CLPB: variants seen among roughly 807,000 people sequenced by gnomAD.
CLPB encodes the protein ClpB family mitochondrial disaggregase.
A neutral mutation model predicts 78.4 loss-of-function variants in CLPB; 40 were observed. That is an observed-to-expected ratio of 0.51 (90% CI 0.40 to 0.66). The LOEUF is 0.66. Ranked by LOEUF, CLPB falls within the 30% of genes least tolerant of loss-of-function variation. The probability of loss-of-function intolerance (pLI) is 0.00; values close to 1 mark genes in which losing one functional copy is unlikely to be tolerated. For missense variants in CLPB, 780 were observed against 886.9 expected, an observed-to-expected ratio of 0.88 and a Z score of 1.53; for synonymous variants, 333 against 348.0, an observed-to-expected ratio of 0.96 and a Z score of 0.48.
At chr11:72,352,208 T>C (rs1181313759) in intron 5 of CLPB, among the ~76,000 whole-genome samples, 6 of 152,208 alleles carry the variant, frequency 3.9e-5, no homozygotes, top group Non-Finnish European at 8.8e-5. Flanking sequence ...CTCAAGCCCA[T>C]TGTACATTAT....
chr11:72,354,335 A>G, intron 5 of CLPB: 1 of 397,536 alleles, frequency 2.5e-6, no homozygotes, highest in Non-Finnish European at 4.4e-6. Flanking sequence ...AGAGAAGTTA[A>G]TTCCTGTGTA....
At chr11:72,398,663 C>T (rs1203882093) in intron 3 of CLPB, among the ~76,000 whole-genome samples, 1 of 152,190 alleles carries the variant, frequency 6.6e-6, no homozygotes, top group Non-Finnish European at 1.5e-5. Context: ...TGTGGCTTAG[C>T]CTTTAGCTGG....
intron 3 of CLPB, among the ~76,000 whole-genome samples, chr11:72,389,250 T>C (rs1855174623): frequency 6.6e-6 from 1 of 152,176 alleles, no homozygotes. Context: ...CATGGGGAGA[T>C]GATGGTGAGT....
rs1270727760 is a variant in CLPB, at chr11:72,287,110, T to A, written c.*6257A>T. On this transcript the variant is annotated 3_prime_UTR_variant, in exon 16 of 16. Transcript: ENST00000538039. ...CTTGATTTTATTTGGGATTTTTGCA[T>A]CTATGGCCATAGGTGAGATTAGGCT... is the stretch of plus-strand genomic sequence containing the variant. 6.6e-6 allele frequency: 1 copy of A among 152,166 alleles called. No homozygotes were observed. Among genetic ancestry groups the A allele is most frequent in the Non-Finnish European group, 1.5e-5 (1 of 68,038 alleles). 9.4% of individuals were successfully genotyped at this position (152,166 alleles called of 1,614,324 possible). A position where few individuals can be genotyped will look rare whatever the true frequency, so the allele number is the denominator to read the frequency against.
rs1343642162 is a variant in CLPB, at chr11:72,357,702, A to G, written c.775+1178T>C. Among the ~76,000 whole-genome samples the G allele has an allele frequency of 1.1e-4, 16 of 140,008 alleles. No homozygotes were observed. The South Asian group carries it at 1.6e-3, about 14-fold the overall frequency. 91.9% of individuals were successfully genotyped at this position (140,008 alleles called of 152,430 possible). A position where few individuals can be genotyped will look rare whatever the true frequency, so the allele number is the denominator to read the frequency against. Reference sequence around the variant, plus strand: ...CAAAAGCAAAACTCCGTGTCCCAGAAAAAAAAAAAAAAAAAAAAAAAAAGG... The same window carrying G: ...CAAAAGCAAAACTCCGTGTCCCAGAGAAAAAAAAAAAAAAAAAAAAAAAGG... On this transcript the variant is annotated intron_variant, in intron 5 of 15. Coordinates refer to ENST00000538039, the MANE Select transcript of CLPB (RefSeq NM_001258392.3).
At chr11:72,413,146 G>A (rs1260437241) in intron 2 of CLPB, among the ~76,000 whole-genome samples, 3 of 151,896 alleles carry the variant, frequency 2.0e-5, no homozygotes, top group South Asian at 2.1e-4. Context: ...AAAATTAGCC[G>A]GGCATGGTGG....
At chr11:72,345,103 G>A (rs551275529) in intron 5 of CLPB, among the ~76,000 whole-genome samples, 4 of 152,296 alleles carry the variant, frequency 2.6e-5, no homozygotes, top group African/African-American at 4.8e-5. Context: ...GGTACAACTC[G>A]TACGGAGGAG....
intron 7 of CLPB, among the ~76,000 whole-genome samples, chr11:72,314,628 G>A (rs965802310): frequency 6.6e-6 from 1 of 151,982 alleles, no homozygotes; most frequent in African/African-American, 2.4e-5. Flanking sequence ...GGAATTGGGA[G>A]CACAAAAACG....
At chr11:72,422,001 C>T (rs1856213685) in intron 2 of CLPB, among the ~76,000 whole-genome samples, 1 of 152,186 alleles carries the variant, frequency 6.6e-6, no homozygotes, top group Non-Finnish European at 1.5e-5. Flanking sequence ...GGCGTGGTGG[C>T]TCACGCCTGT....
intron 2 of CLPB, among the ~76,000 whole-genome samples, chr11:72,414,821 A>G (rs779187968): frequency 1.3e-5 from 2 of 152,206 alleles, no homozygotes; most frequent in African/African-American, 4.8e-5. Flanking sequence ...AAGAGCTCAC[A>G]TTTCTTGAGC....
chr11:72,430,575 G>A (rs1240154770), intron 1 of CLPB: 4 of 559,476 alleles, frequency 7.1e-6, no homozygotes, highest in Non-Finnish European at 1.3e-5. Flanking sequence ...CTACTACAGA[G>A]CCCAAACTCT....
At position 72,288,843 on chromosome 11, in the gene CLPB, A is replaced by C. The variant is rs764138928; in HGVS notation, c.*4524T>G. 7.9e-5 allele frequency: 12 copies of C among 152,244 alleles called. No homozygotes were observed. Among genetic ancestry groups the C allele is most frequent in the Non-Finnish European group, 1.3e-4 (9 of 68,076 alleles). The allele number at this position is 152,244 out of a possible 1,614,324, so 9.4% of individuals were successfully genotyped here. A position where few individuals can be genotyped will look rare whatever the true frequency, so the allele number is the denominator to read the frequency against. On this transcript the variant is annotated 3_prime_UTR_variant, in exon 16 of 16. Transcript: ENST00000538039. ...TATGGAAGTAAAAGATATGGGTCCA[A>C]CACCACCTAGGAGTTCTGGCAGAGA...
chr11:72,307,800 TG>T (rs1400193414), intron 8 of CLPB, among the ~76,000 whole-genome samples: 1 of 152,182 alleles, frequency 6.6e-6, no homozygotes, highest in Non-Finnish European at 1.5e-5. Flanking sequence ...TGGTAACCTT[TG>T]GAAGTCCCTG....
Position 72,358,958 on chromosome 11 carries a change from T to C in CLPB, c.697A>G (p.Ser233Gly). The change falls in exon 5 of 16, where the codon AGT (serine) becomes GGT (glycine). Residue 233 changes from serine to glycine, a missense_variant. By Grantham distance (56) the Ser-to-Gly change is moderately conservative. Around this residue, in one of 3 missense-constraint regions of CLPB, gnomAD observed 417 missense variants for 414.7 expected, o/e 1.01. Coordinates refer to ENST00000538039, the MANE Select transcript of CLPB (RefSeq NM_001258392.3). ...TGCAAGGCCGTGCAGCCCTTGAAAC[T>C]GGCGCGGTTGTTCAGCCTGTTGTTG... The part of the protein sequence containing the change: ...DFNNRLNNRA[S>G]FKGCTALHYA... 1 of 1,612,182 alleles carries C rather than the reference T, an allele frequency of 6.2e-7. No homozygotes were observed. Among genetic ancestry groups the C allele is most frequent in the Non-Finnish European group, 8.5e-7 (1 of 1,179,224 alleles).
chr11:72,300,097 G>A (rs1949628923), intron 11 of CLPB, among the ~76,000 whole-genome samples: 1 of 152,130 alleles, frequency 6.6e-6, no homozygotes. Context: ...CTAGCTGCGT[G>A]GCAGTCATTC....
At position 72,431,755 on chromosome 11, in the gene CLPB, G is replaced by A. The variant is rs1430264042; in HGVS notation, c.404-1392C>T. ...TACAAGGTTACAGAGTGAGGAATGA[G>A]CTAAGAACCAGGGCCTCCTGGCTTC... On this transcript the variant is annotated intron_variant, in intron 1 of 15. Coordinates refer to ENST00000538039, the MANE Select transcript of CLPB (RefSeq NM_001258392.3). Among the ~76,000 whole-genome samples the A allele has an allele frequency of 1.2e-4, 19 of 152,258 alleles. No individual in the cohort carries two copies. In the East Asian group the frequency reaches 2.9e-3, roughly 23 times the overall value.
chr11:72,379,603 C>T (rs1010762965), intron 4 of CLPB, among the ~76,000 whole-genome samples: 15 of 152,130 alleles, frequency 9.9e-5, no homozygotes, highest in Admixed American at 9.8e-4. Flanking sequence ...AGAGCCTCTT[C>T]ATTCTGAAGT....
At chr11:72,316,403 T>G (rs1207250352) in intron 7 of CLPB, among the ~76,000 whole-genome samples, 1 of 152,194 alleles carries the variant, frequency 6.6e-6, no homozygotes, top group Non-Finnish European at 1.5e-5. Flanking sequence ...CTCATCTATC[T>G]GAAATCAAGC....
chr11:72,295,690 T>C (rs778565661), intron 11 of CLPB, 42 bp from the exon 12 acceptor site: 4 of 1,605,060 alleles, frequency 2.5e-6, no homozygotes, highest in Non-Finnish European at 8.5e-7. Context: ...GGGAGCTATG[T>C]GCCTGGGCAG....
Sources: allele counts gnomAD v4.1 joint callset (sites outside exome capture counted in the v4.1 genomes callset), GRCh38; gene constraint gnomAD v4.1.1; regional missense constraint gnomAD v4.1.1; transcripts MANE v1.5; gene names NCBI Gene and HGNC (gene_info 2026-07-23, HGNC 2026-07-21).